FSIP1: variants seen among roughly 807,000 people sequenced by gnomAD.
FSIP1 encodes the protein fibrous sheath-interacting protein 1.
Under a neutral mutation model 60.9 loss-of-function variants are expected in FSIP1, and 65 were observed. The observed-to-expected ratio is 1.07, with a 90% CI of 0.87 to 1.31. The LOEUF (loss-of-function observed/expected upper bound fraction) is 1.31, where lower values mean the gene tolerates loss of function less well. Among genes scored for constraint, FSIP1 ranks in the 40% most tolerant of loss-of-function variants. FSIP1 has a pLI of 0.00. For missense variants in FSIP1, 675 were observed against 665.5 expected, an observed-to-expected ratio of 1.01 and a Z score of -0.16; for synonymous variants, 209 against 221.2, an observed-to-expected ratio of 0.94 and a Z score of 0.49.
chr15:39,632,687 G>T (rs1483920021), intron 10 of FSIP1, among the ~76,000 whole-genome samples: 1 of 152,128 alleles, frequency 6.6e-6, no homozygotes, highest in Non-Finnish European at 1.5e-5. Flanking sequence ...CAGCTACTCA[G>T]GAGTCTGAGG....
intron 4 of FSIP1, 111 bp downstream of exon 4, chr15:39,765,481 C>A: frequency 1.4e-6 from 1 of 714,550 alleles, no homozygotes; most frequent in Non-Finnish European, 2.2e-6. Context: ...TGGCCTCAAG[C>A]AATCCTCCTG....
At chr15:39,738,367 A>AT (rs1156271807) in intron 7 of FSIP1, among the ~76,000 whole-genome samples, 166 bp from the exon 8 acceptor site, 2 of 150,242 alleles carry the variant, frequency 1.3e-5, no homozygotes, top group Non-Finnish European at 2.9e-5. Flanking sequence ...AAATTTTTAT[A>AT]TAGGGCCATT....
intron 8 of FSIP1, among the ~76,000 whole-genome samples, chr15:39,736,251 C>T (rs1253603778): frequency 6.6e-6 from 1 of 152,158 alleles, no homozygotes; most frequent in Non-Finnish European, 1.5e-5. Context: ...TAGCAGTTTC[C>T]CTCACCCACC....
intron 10 of FSIP1, among the ~76,000 whole-genome samples, chr15:39,690,333 C>T (rs910546851): frequency 2.6e-4 from 40 of 152,098 alleles, no homozygotes; most frequent in Admixed American, 2.6e-4. Context: ...ACTGAGGAGA[C>T]TAGTTGCAGA....
At chr15:39,766,496 G>C (rs1331288651) in intron 3 of FSIP1, among the ~76,000 whole-genome samples, 1 of 152,182 alleles carries the variant, frequency 6.6e-6, no homozygotes, top group African/African-American at 2.4e-5. Context: ...TATAATCACT[G>C]TTCTCATTTT....
In FSIP1 at chr15:39,741,358, C is replaced by A. The variant is rs112197641; in HGVS notation, c.655+447G>T. ...GCCATGTTCCTACAGTGACCCCAAA[C>A]CTTGCTGGGTTGGACAAGTTGGTTG... On this transcript the variant is annotated intron_variant, in intron 6 of 11. Transcript: ENST00000350221. 8.5e-3 allele frequency among the ~76,000 whole-genome samples: 1,293 copies of A among 152,350 alleles called. 18 individuals carry two copies. The highest frequency in any genetic ancestry group is 0.029 in the African/African-American group (1,205 of 41,578).
chr15:39,770,481 C>T lies in FSIP1; in HGVS notation c.256G>A (p.Gly86Arg). The T allele has an allele frequency of 1.2e-6, 2 of 1,608,416 alleles. No homozygotes were observed. The highest frequency in any genetic ancestry group is 1.7e-5 in the Admixed American group (1 of 58,612). ...ACCAAATCCAGATCTTCATCTGATC[C>T]CTCTTCAGCCAATTTTATTTTCTCA... is the stretch of plus-strand genomic sequence containing the variant. Reference protein sequence around the residue: ...CSEKIKLAEEGSDEDLDLVQH... With the variant: ...CSEKIKLAEERSDEDLDLVQH... Residue 86 changes from glycine (G) to arginine (R), a missense_variant, in exon 3 of 12, where the codon GGA (glycine) becomes AGA (arginine). By Grantham distance (125) the Gly-to-Arg change is moderately radical. Coordinates refer to ENST00000350221, the MANE Select transcript of FSIP1 (RefSeq NM_152597.5).
chr15:39,682,203 T>C (rs1894193283), intron 10 of FSIP1, among the ~76,000 whole-genome samples: 1 of 152,234 alleles, frequency 6.6e-6, no homozygotes, highest in African/African-American at 2.4e-5. Flanking sequence ...CAGATACTTA[T>C]GTCTTAAATA....
At chr15:39,646,480 TCGAGACAGGCCTG>T (rs1465974759) in intron 10 of FSIP1, among the ~76,000 whole-genome samples, 1 of 124,282 alleles carries the variant, frequency 8.0e-6, no homozygotes, top group East Asian at 2.4e-4. Context: ...GGCCAGGAGT[TCGAGACAGGCCTG>T]CGTAACATAG....
intron 10 of FSIP1, among the ~76,000 whole-genome samples, chr15:39,710,733 C>T (rs1895472786): frequency 6.6e-6 from 1 of 152,216 alleles, no homozygotes; most frequent in African/African-American, 2.4e-5. Context: ...CACTTACTAG[C>T]TGTATAACCT....
intron 10 of FSIP1, among the ~76,000 whole-genome samples, chr15:39,642,050 A>C (rs1441768709): frequency 6.6e-6 from 1 of 152,230 alleles, no homozygotes; most frequent in Non-Finnish European, 1.5e-5. Flanking sequence ...TTTGCTATAA[A>C]GCCTCCAGTT....
intron 10 of FSIP1, among the ~76,000 whole-genome samples, chr15:39,665,105 T>C (rs1301069953): frequency 6.6e-6 from 1 of 152,168 alleles, no homozygotes. Context: ...GCTTCATTCA[T>C]TAGCATGACC....
At chr15:39,745,771 A>AT (rs926087414) in intron 5 of FSIP1, among the ~76,000 whole-genome samples, 20 of 151,290 alleles carry the variant, frequency 1.3e-4, no homozygotes, top group East Asian at 3.9e-4. Context: ...CTGGGAATCC[A>AT]TTTTTTTTTC....
chr15:39,682,021 T>C (rs948288022), intron 10 of FSIP1, among the ~76,000 whole-genome samples: 7 of 152,188 alleles, frequency 4.6e-5, no homozygotes, highest in African/African-American at 1.7e-4. Flanking sequence ...GTTGCAAGTA[T>C]AAAAGTTTAA....
In FSIP1 at chr15:39,674,343, T is replaced by C. The variant is rs185264781; in HGVS notation, c.1188+39101A>G. On this transcript the variant is annotated intron_variant, in intron 10 of 11. Transcript: ENST00000350221. The stretch of plus-strand genomic sequence containing the variant: ...TGCTAGGATTACAGGCGTGAGCCAC[T>C]GCATCCGGCCAAAATTAAGTACAAT... 8.0e-3 allele frequency among the ~76,000 whole-genome samples: 1,221 copies of C among 152,280 alleles called. 23 individuals carry two copies. Among genetic ancestry groups the C allele is most frequent in the African/African-American group, 0.028 (1,159 of 41,568 alleles).
intron 1 of FSIP1, among the ~76,000 whole-genome samples, chr15:39,778,318 C>T (rs982154589): frequency 6.6e-6 from 1 of 152,222 alleles, no homozygotes; most frequent in East Asian, 1.9e-4. Flanking sequence ...AATAAAGGCA[C>T]AGGCACAGGC....
chr15:39,605,320 C>A (rs982628767), intron 11 of FSIP1, among the ~76,000 whole-genome samples: 1 of 152,248 alleles, frequency 6.6e-6, no homozygotes, highest in South Asian at 2.1e-4. Flanking sequence ...TCCTTGGACA[C>A]AGCTAGAAAA....
At chr15:39,646,669 A>T (rs1892626861) in intron 10 of FSIP1, among the ~76,000 whole-genome samples, 1 of 151,606 alleles carries the variant, frequency 6.6e-6, no homozygotes, top group African/African-American at 2.4e-5. Context: ...GCATTCCAGC[A>T]TGGGATACAG....
chr15:39,601,420 C>T (rs1032344934), intron 11 of FSIP1, among the ~76,000 whole-genome samples: 53 of 152,070 alleles, frequency 3.5e-4, no homozygotes, highest in African/African-American at 1.1e-3. Context: ...TTTAAAAAGA[C>T]AAAGAGAAAC....
Sources: allele counts gnomAD v4.1 joint callset (sites outside exome capture counted in the v4.1 genomes callset), GRCh38; gene constraint gnomAD v4.1.1; transcripts MANE v1.5; gene names NCBI Gene and HGNC (gene_info 2026-07-23, HGNC 2026-07-21).